The following CDH10 variants were observed in gnomAD, a reference collection of about 807,000 sequenced individuals.
CDH10 encodes cadherin-10.
CDH10 carries 30 observed loss-of-function variants against 73.1 expected under a neutral mutation model. The observed-to-expected ratio is 0.41, with a 90% CI of 0.31 to 0.56. The LOEUF (loss-of-function observed/expected upper bound fraction) is 0.56, where lower values mean the gene tolerates loss of function less well. Ranked by LOEUF, CDH10 falls within the 20% of genes least tolerant of loss-of-function variation. The pLI, the probability that CDH10 is intolerant of heterozygous loss-of-function variation, is 0.27. For synonymous variants in CDH10, 345 were observed against 348.2 expected, an observed-to-expected ratio of 0.99 and a Z score of 0.10; for missense variants, 815 against 973.7, an observed-to-expected ratio of 0.84 and a Z score of 2.17.
chr5:24,547,877 C>T (rs1197321562), intron 2 of CDH10, among the ~76,000 whole-genome samples: 1 of 152,180 alleles, frequency 6.6e-6, no homozygotes, highest in Non-Finnish European at 1.5e-5. Context: ...GTAGAAGATA[C>T]ACTGCTCTTC....
At chr5:24,554,056 GAC>G (rs201139573) in intron 2 of CDH10, 1 of 46,404 alleles carries the variant, frequency 2.2e-5, no homozygotes, top group East Asian at 4.8e-4. Flanking sequence ...GAAAGAGCAA[GAC>G]ACAGAGAGAG....
chr5:24,496,871 C>G (rs904821917), intron 9 of CDH10, among the ~76,000 whole-genome samples: 1 of 152,066 alleles, frequency 6.6e-6, no homozygotes, highest in South Asian at 2.1e-4. Flanking sequence ...TTAGTTTAAC[C>G]GAGGCATTTT....
chr5:24,637,259 A>G (rs955881691), intron 1 of CDH10, among the ~76,000 whole-genome samples: 7 of 151,964 alleles, frequency 4.6e-5, no homozygotes, highest in African/African-American at 1.7e-4. Flanking sequence ...TAGGCACTTA[A>G]ATAATACTTG....
intron 5 of CDH10, among the ~76,000 whole-genome samples, chr5:24,523,197 G>T (rs1743403310): frequency 6.6e-6 from 1 of 151,928 alleles, no homozygotes; most frequent in African/African-American, 2.4e-5. Flanking sequence ...AATGAGTAAT[G>T]TATAAACATA....
At chr5:24,588,604 G>A (rs1158456465) in intron 2 of CDH10, among the ~76,000 whole-genome samples, 1 of 152,140 alleles carries the variant, frequency 6.6e-6, no homozygotes, top group Non-Finnish European at 1.5e-5. Context: ...CTTCATTCCA[G>A]CTACTCCTTC....
At chr5:24,505,005 GAATT>G (rs1742653677) in intron 8 of CDH10, 103 bp downstream of exon 8, 2 of 802,218 alleles carry the variant, frequency 2.5e-6, no homozygotes, top group African/African-American at 1.7e-5. Flanking sequence ...CAATGAGAAT[GAATT>G]ATTTTTAATG....
chr5:24,568,054 G>A (rs888786199), intron 2 of CDH10, among the ~76,000 whole-genome samples: 2 of 152,118 alleles, frequency 1.3e-5, no homozygotes, highest in African/African-American at 2.4e-5. Flanking sequence ...AGCAGAGGGT[G>A]AAACTGAGGG....
chr5:24,597,279 C>T (rs1489858705), intron 1 of CDH10, among the ~76,000 whole-genome samples: 1 of 152,054 alleles, frequency 6.6e-6, no homozygotes, highest in Non-Finnish European at 1.5e-5. Flanking sequence ...TGGTGTGGGG[C>T]ATAAGATGCA....
At chr5:24,547,926 T>C (rs1386353676) in intron 2 of CDH10, among the ~76,000 whole-genome samples, 2 of 152,144 alleles carry the variant, frequency 1.3e-5, no homozygotes, top group Non-Finnish European at 2.9e-5. Flanking sequence ...GACAAATTCC[T>C]CCTGGTGACT....
chr5:24,597,532 T>C (rs758636976), intron 1 of CDH10, among the ~76,000 whole-genome samples: 15 of 152,118 alleles, frequency 9.9e-5, no homozygotes, highest in Non-Finnish European at 1.8e-4. Context: ...TTTCCACGTT[T>C]TTTTAACCAG....
At chr5:24,585,013 A>AT (rs1195894403) in intron 2 of CDH10, among the ~76,000 whole-genome samples, 6 of 151,192 alleles carry the variant, frequency 4.0e-5, no homozygotes, top group South Asian at 4.2e-4. Flanking sequence ...TGCCTGGATA[A>AT]TTTTTTCTAT....
At chr5:24,618,739 T>C (rs1202098986) in intron 1 of CDH10, among the ~76,000 whole-genome samples, 1 of 152,222 alleles carries the variant, frequency 6.6e-6, no homozygotes, top group Non-Finnish European at 1.5e-5. Context: ...TGTAATCAAA[T>C]GTTTATACAT....
chr5:24,523,896 A>G (rs1743429410), intron 5 of CDH10, among the ~76,000 whole-genome samples: 1 of 152,122 alleles, frequency 6.6e-6, no homozygotes, highest in South Asian at 2.1e-4. Context: ...TTTACTGATG[A>G]TACAATATAA....
intron 1 of CDH10, among the ~76,000 whole-genome samples, chr5:24,632,517 A>G (rs1300117328): frequency 6.6e-6 from 1 of 152,050 alleles, no homozygotes. Context: ...CAGAAGGAGC[A>G]TGGTTTAATG....
chr5:24,619,482 C>T (rs987064004), intron 1 of CDH10, among the ~76,000 whole-genome samples: 51 of 152,118 alleles, frequency 3.4e-4, no homozygotes, highest in African/African-American at 6.8e-4. Context: ...CGTGAGCCAC[C>T]GTGCCCGGCC....
intron 5 of CDH10, among the ~76,000 whole-genome samples, chr5:24,522,805 TG>T (rs1270335122): frequency 6.6e-6 from 1 of 152,198 alleles, no homozygotes; most frequent in Non-Finnish European, 1.5e-5. Context: ...CTTTGACCTT[TG>T]GGAGCAATGG....
At chr5:24,635,217 G>C (rs563522656) in intron 1 of CDH10, among the ~76,000 whole-genome samples, 1 of 152,006 alleles carries the variant, frequency 6.6e-6, no homozygotes, top group South Asian at 2.1e-4. Flanking sequence ...AATTATTCTT[G>C]AGATTTATAG....
At chr5:24,608,429 A>T (rs1746834139) in intron 1 of CDH10, among the ~76,000 whole-genome samples, 1 of 151,938 alleles carries the variant, frequency 6.6e-6, no homozygotes, top group Non-Finnish European at 1.5e-5. Context: ...AGTAACTGGG[A>T]CTAGAGGTGC....
At chr5:24,518,876 CAT>C (rs10557439) in intron 5 of CDH10, among the ~76,000 whole-genome samples, 67,148 of 140,610 alleles carry the variant, frequency 0.48, 16,057 homozygotes, top group East Asian at 0.58. Flanking sequence ...GATTTTTTGA[CAT>C]GTGCACTTTT....
Sources: gnomAD v4.1 joint callset for allele counts (sites outside exome capture counted in the v4.1 genomes callset) on GRCh38, gnomAD v4.1.1 for gene constraint, MANE v1.5 for transcripts, NCBI Gene and HGNC (gene_info 2026-07-23, HGNC 2026-07-21) for gene names.